Variants in TINAG observed in about 807,000 individuals in gnomAD.
The protein encoded by TINAG is tubulointerstitial nephritis antigen.
Under a neutral mutation model 72.7 loss-of-function variants are expected in TINAG, and 83 were observed. The observed-to-expected ratio is 1.14, with a 90% CI of 0.96 to 1.37. The LOEUF is 1.37. Ranked by LOEUF, TINAG falls within the 40% of genes most tolerant of loss-of-function variation. The probability of loss-of-function intolerance (pLI) is 0.00; values close to 1 mark genes in which losing one functional copy is unlikely to be tolerated. For synonymous variants in TINAG, 234 were observed against 189.9 expected (o/e 1.23, Z -1.91); for missense variants, 685 against 576.6 (o/e 1.19, Z -1.93).
At chr6:54,380,365 T>C (rs1763910568) in intron 9 of TINAG, among the ~76,000 whole-genome samples, 161 bp from the exon 10 acceptor site, 1 of 152,128 alleles carries the variant, frequency 6.6e-6, no homozygotes, top group Non-Finnish European at 1.5e-5. Flanking sequence ...GAAAACTATA[T>C]GAGCACATTT....
chr6:54,342,731 C>T (rs1269029889), intron 4 of TINAG, among the ~76,000 whole-genome samples: 1 of 152,080 alleles, frequency 6.6e-6, no homozygotes, highest in Admixed American at 6.6e-5. Flanking sequence ...AGTTGTATTT[C>T]CTAATAGCTG....
At chr6:54,360,839 G>GTTTTTTTTTTTT (rs773926586) in intron 9 of TINAG, among the ~76,000 whole-genome samples, 8 of 16,956 alleles carry the variant, frequency 4.7e-4, no homozygotes, top group African/African-American at 1.3e-3. Flanking sequence ...CACAGATACT[G>GTTTTTTTTTTTT]TGTTTTTTTT....
chr6:54,348,394 A>G (rs1305539311), intron 6 of TINAG, among the ~76,000 whole-genome samples: 1 of 152,158 alleles, frequency 6.6e-6, no homozygotes, highest in Non-Finnish European at 1.5e-5. Context: ...GAACTTAAAA[A>G]TGTAAATTAT....
chr6:54,337,129 T>A, intron 4 of TINAG, among the ~76,000 whole-genome samples: 1 of 137,626 alleles, frequency 7.3e-6, no homozygotes, highest in South Asian at 2.2e-4. Flanking sequence ...ATATGAGGAT[T>A]TTTTTTTCCT....
chr6:54,387,672 A>G (rs994811779), intron 10 of TINAG, among the ~76,000 whole-genome samples: 2 of 152,212 alleles, frequency 1.3e-5, no homozygotes, highest in African/African-American at 4.8e-5. Context: ...ACTAAGTTGT[A>G]TACTTAAGAT....
chr6:54,333,457 G>T (rs1037393651), intron 4 of TINAG, among the ~76,000 whole-genome samples: 1 of 151,836 alleles, frequency 6.6e-6, no homozygotes, highest in Non-Finnish European at 1.5e-5. Flanking sequence ...TCATGCACTG[G>T]GGCCTGTCGG....
intron 9 of TINAG, among the ~76,000 whole-genome samples, chr6:54,365,162 A>G (rs955583849): frequency 6.6e-6 from 1 of 151,548 alleles, no homozygotes; most frequent in Non-Finnish European, 1.5e-5. Context: ...GAACATTTCT[A>G]CTATGCTTAT....
intron 9 of TINAG, among the ~76,000 whole-genome samples, chr6:54,377,404 C>T (rs758446853): frequency 3.3e-5 from 5 of 151,934 alleles, no homozygotes; most frequent in Admixed American, 1.3e-4. Context: ...CCCAGCTACT[C>T]GGGAAGCTGA....
intron 10 of TINAG, 77 bp from the exon 11 acceptor site, chr6:54,389,714 A>G: frequency 1.3e-6 from 2 of 1,507,506 alleles, no homozygotes; most frequent in Non-Finnish European, 1.8e-6. Flanking sequence ...TAAAGTTACA[A>G]ATGAGTTCTC....
intron 9 of TINAG, among the ~76,000 whole-genome samples, chr6:54,371,994 T>G (rs1322496224): frequency 7.1e-6 from 1 of 140,960 alleles, no homozygotes; most frequent in Admixed American, 7.1e-5. Context: ...TTTTTTTTTT[T>G]TTTTTTTTTT....
At chr6:54,312,942 T>C (rs1306461341) in intron 1 of TINAG, among the ~76,000 whole-genome samples, 1 of 152,170 alleles carries the variant, frequency 6.6e-6, no homozygotes, top group Non-Finnish European at 1.5e-5. Flanking sequence ...TCAGTATGTC[T>C]GTAGTTTCTG....
intron 10 of TINAG, among the ~76,000 whole-genome samples, chr6:54,381,101 T>C (rs2150982896): frequency 6.7e-6 from 1 of 149,172 alleles, no homozygotes; most frequent in South Asian, 2.1e-4. Flanking sequence ...ACCGATAGGA[T>C]ATATATGTAT....
At chr6:54,378,251 C>T (rs1296499543) in intron 9 of TINAG, among the ~76,000 whole-genome samples, 1 of 152,104 alleles carries the variant, frequency 6.6e-6, no homozygotes, top group Admixed American at 6.6e-5. Flanking sequence ...ATACCAGCAC[C>T]TTAGTCTCTG....
At chr6:54,327,116 AC>A (rs765374137) in intron 4 of TINAG, 200 bp downstream of exon 4, 1 of 1,549,382 alleles carries the variant, frequency 6.5e-7, no homozygotes. Context: ...GTTTACTGTT[AC>A]CAATTAGACA....
chr6:54,354,752 A>G, intron 9 of TINAG, 116 bp downstream of exon 9: 1 of 1,163,852 alleles, frequency 8.6e-7, no homozygotes. Flanking sequence ...GATACAAATG[A>G]AAAATGATCT....
chr6:54,360,722 T>A (rs867128586), intron 9 of TINAG, among the ~76,000 whole-genome samples: 7 of 151,534 alleles, frequency 4.6e-5, no homozygotes, highest in Non-Finnish European at 1.0e-4. Flanking sequence ...AAAGAATTAG[T>A]ATAAACATTG....
intron 4 of TINAG, among the ~76,000 whole-genome samples, chr6:54,330,384 A>T (rs960350317): frequency 2.0e-5 from 3 of 152,250 alleles, no homozygotes; most frequent in Non-Finnish European, 4.4e-5. Context: ...TAAGTCAGAA[A>T]TAAATAAGTT....
At chr6:54,333,669 T>C (rs539601758) in intron 4 of TINAG, among the ~76,000 whole-genome samples, 6 of 151,910 alleles carry the variant, frequency 3.9e-5, no homozygotes, top group South Asian at 2.1e-4. Context: ...AAAAGAATAA[T>C]TGAGTGTTTA....
In TINAG at chr6:54,389,851, G is replaced by T. The variant is rs1764197524; in HGVS notation, c.1357G>T (p.Gly453Ter). ...GENGYFRILRGVNESDIEKLI... is the reference protein window; with the variant it reads ...GENGYFRILR ...GAATGGCTATTTCAGGATTCTTCGA[G>T]GAGTAAATGAGTCCGACATTGAAAA... Residue 453 changes from glycine (G) to a stop codon, truncating the protein, a stop_gained, in exon 11 of 11, where the codon GGA becomes TGA. Transcript: ENST00000259782. LOFTEE classifies it high-confidence loss of function. 2 of 1,609,690 alleles carry T rather than the reference G, an allele frequency of 1.2e-6. No homozygotes were observed. Among genetic ancestry groups the T allele is most frequent in the Non-Finnish European group, 1.7e-6 (2 of 1,178,198 alleles).
Sources: allele counts gnomAD v4.1 joint callset (sites outside exome capture counted in the v4.1 genomes callset), GRCh38; gene constraint gnomAD v4.1.1; transcripts MANE v1.5; gene names NCBI Gene and HGNC (gene_info 2026-07-23, HGNC 2026-07-21).